The following CFAP91 variants were observed in gnomAD, a reference collection of about 807,000 sequenced individuals.
The protein encoded by CFAP91 is cilia- and flagella-associated protein 91.
Under a neutral mutation model 95.9 loss-of-function variants are expected in CFAP91, and 85 were observed. The observed-to-expected ratio is 0.89, with a 90% CI of 0.74 to 1.06. CFAP91 has a LOEUF of 1.06. Ranked by LOEUF, CFAP91 falls within the 50% of genes least tolerant of loss-of-function variation. The probability of loss-of-function intolerance (pLI) is 0.00; values close to 1 mark genes in which losing one functional copy is unlikely to be tolerated. For synonymous variants in CFAP91, 335 were observed against 327.5 expected (o/e 1.02, Z -0.25); for missense variants, 962 against 943.4 (o/e 1.02, Z -0.26).
At chr3:119,748,971 C>T (rs1339237817) in intron 16 of CFAP91, 4 of 152,102 alleles carry the variant, frequency 2.6e-5, no homozygotes, top group Non-Finnish European at 5.9e-5. Flanking sequence ...CCAAATTGCC[C>T]CACAAAATGA....
At chr3:119,745,301 G>A (rs1383968607) in intron 14 of CFAP91, among the ~76,000 whole-genome samples, 1 of 152,096 alleles carries the variant, frequency 6.6e-6, no homozygotes, top group Non-Finnish European at 1.5e-5. Context: ...TTATAAACCA[G>A]AAATGTAATA....
intron 14 of CFAP91, among the ~76,000 whole-genome samples, chr3:119,744,941 C>T (rs546264082): frequency 1.3e-5 from 2 of 152,134 alleles, no homozygotes; most frequent in East Asian, 3.9e-4. Context: ...AAGGAAGAAC[C>T]AGCTGGGGAT....
chr3:119,719,552 CAT>C (rs1279739439), intron 6 of CFAP91, among the ~76,000 whole-genome samples: 2 of 152,158 alleles, frequency 1.3e-5, no homozygotes, highest in African/African-American at 4.8e-5. Context: ...TCAGTCTTCA[CAT>C]GTTAAATGAA....
intron 6 of CFAP91, 53 bp from the exon 7 acceptor site, chr3:119,726,118 G>C: frequency 4.7e-6 from 7 of 1,477,042 alleles, no homozygotes; most frequent in Non-Finnish European, 5.5e-6. Context: ...TATATACTGG[G>C]GGGTGCATGG....
chr3:119,719,776 A>G (rs2053646871), intron 6 of CFAP91, among the ~76,000 whole-genome samples: 1 of 152,170 alleles, frequency 6.6e-6, no homozygotes, highest in Non-Finnish European at 1.5e-5. Context: ...AAGAAATACG[A>G]GAGTGCTATG....
rs1342993851 is a variant in CFAP91, at chr3:119,744,201, G to A, written c.1902+5G>A. 6.2e-7 allele frequency: 1 copy of A among 1,605,860 alleles called. No individual in the cohort carries two copies. Among genetic ancestry groups the A allele is most frequent in the Non-Finnish European group, 8.5e-7 (1 of 1,174,538 alleles). ...GAGGACGAGATATTTAAGGAGGCAA[G>A]TAGGGGCAGCTGGGTGTGTGGAAGC... On this transcript the variant is annotated splice_donor_5th_base_variant and intron_variant, in intron 14 of 17. Transcript: ENST00000273390.
chr3:119,755,144 C>T (rs187470092), intron 17 of CFAP91, among the ~76,000 whole-genome samples: 2 of 152,086 alleles, frequency 1.3e-5, no homozygotes, highest in African/African-American at 4.8e-5. Flanking sequence ...GAGTCTCACC[C>T]GTACTTCATT....
chr3:119,763,941 G>A (rs532395464), intron 17 of CFAP91, among the ~76,000 whole-genome samples: 2 of 152,136 alleles, frequency 1.3e-5, no homozygotes, highest in South Asian at 2.1e-4. Flanking sequence ...TAATAACAAT[G>A]TGTTATATTT....
At chr3:119,761,853 T>C (rs1213704623) in intron 17 of CFAP91, among the ~76,000 whole-genome samples, 1 of 151,740 alleles carries the variant, frequency 6.6e-6, no homozygotes, top group Non-Finnish European at 1.5e-5. Flanking sequence ...CATAGTAAAG[T>C]CCATATATGA....
At chr3:119,713,932 T>G (rs1559748474) in intron 5 of CFAP91, among the ~76,000 whole-genome samples, 1 of 152,226 alleles carries the variant, frequency 6.6e-6, no homozygotes, top group Admixed American at 6.5e-5. Flanking sequence ...TCATATTTTT[T>G]TAAACAATTC....
At position 119,744,154 on chromosome 3, in the gene CFAP91, G is replaced by A; in HGVS notation, c.1860G>A (p.Val620=). 2 of 1,613,650 alleles carry A rather than the reference G, an allele frequency of 1.2e-6. No homozygotes were observed. The highest frequency in any genetic ancestry group is 2.2e-5 in the East Asian group (1 of 44,874). The change falls in exon 14 of 18, where the codon GTG becomes GTA. Residue 620 remains valine, a synonymous_variant. Transcript: ENST00000273390. ...CTGAAGAGAGTGGTCGGCGCCAGGT[G>A]GAAAAACAGCGCCTGCGGGAGGAGG... ...REAEESGRRQ[V]EKQRLREEDE... is the part of the protein sequence containing the mutation.
rs1431609185 is a variant in CFAP91 at position 119,733,424 on chromosome 3, C to T, written c.1262C>T (p.Pro421Leu). ...GTGACACAACCCCAAATCAGAGCTCCAAAACCTAAAGTCATTACCACCAAA... is the reference window on the plus strand; with the variant it reads ...GTGACACAACCCCAAATCAGAGCTCTAAAACCTAAAGTCATTACCACCAAA... ...DFVTQPQIRAPKPKVITTKAG... is the reference protein window; with the variant it reads ...DFVTQPQIRALKPKVITTKAG... The change falls in exon 10 of 18, where the codon CCA becomes CTA. Residue 421 changes from proline (P) to leucine (L), a missense_variant. Pro to Leu is a moderately conservative substitution (Grantham distance 98). Transcript: ENST00000273390. 1.9e-6 allele frequency: 3 copies of T among 1,613,992 alleles called. No individual in the cohort carries two copies. Among genetic ancestry groups the T allele is most frequent in the African/African-American group, 2.7e-5 (2 of 74,920 alleles).
At chr3:119,714,365 CAAAA>C (rs1265042198) in intron 5 of CFAP91, among the ~76,000 whole-genome samples, 10 of 128,624 alleles carry the variant, frequency 7.8e-5, no homozygotes, top group Admixed American at 7.7e-4. Context: ...GACTCCGTCT[CAAAA>C]AAAAAAAAAA....
chr3:119,753,725 T>C (rs1481833287), intron 17 of CFAP91, among the ~76,000 whole-genome samples: 4 of 152,100 alleles, frequency 2.6e-5, no homozygotes, highest in Non-Finnish European at 5.9e-5. Context: ...GTAAGTTCTT[T>C]AGTGGTGATT....
At chr3:119,710,839 G>A (rs1035361808) in intron 5 of CFAP91, among the ~76,000 whole-genome samples, 1 of 152,164 alleles carries the variant, frequency 6.6e-6, no homozygotes, top group African/African-American at 2.4e-5. Flanking sequence ...TAAGGGACAA[G>A]GGCTGAATCT....
intron 5 of CFAP91, chr3:119,713,261 A>T (rs2053509266): frequency 6.6e-6 from 1 of 151,786 alleles, no homozygotes; most frequent in South Asian, 2.1e-4. Flanking sequence ...CTGGGATTAC[A>T]GGTACGTGCC....
chr3:119,736,228 C>T (rs1376749495), intron 10 of CFAP91, among the ~76,000 whole-genome samples: 1 of 151,694 alleles, frequency 6.6e-6, no homozygotes, highest in African/African-American at 2.4e-5. Context: ...TCCCCCTTCC[C>T]CTCAGCCCCT....
intron 10 of CFAP91, among the ~76,000 whole-genome samples, chr3:119,736,268 GTT>G (rs770777389): frequency 1.2e-5 from 1 of 85,326 alleles, no homozygotes; most frequent in Non-Finnish European, 2.2e-5. Context: ...TCTTTCTATT[GTT>G]TTTTTTTTTT....
chr3:119,747,550 C>T, intron 15 of CFAP91: 1 of 556,888 alleles, frequency 1.8e-6, no homozygotes, highest in African/African-American at 1.9e-5. Flanking sequence ...GGACTTCATC[C>T]CAAGGTTGCT....
Sources: gnomAD v4.1 joint callset for allele counts (sites outside exome capture counted in the v4.1 genomes callset) on GRCh38, gnomAD v4.1.1 for gene constraint, MANE v1.5 for transcripts, NCBI Gene and HGNC (gene_info 2026-07-23, HGNC 2026-07-21) for gene names.